The following NADK2 variants were observed in gnomAD, a reference collection of about 807,000 sequenced individuals.
The protein encoded by NADK2 is NAD kinase domain-containing protein 1, mitochondrial.
Under a neutral mutation model 62.1 loss-of-function variants are expected in NADK2, and 35 were observed. That is an observed-to-expected ratio of 0.56 (90% CI 0.43 to 0.75). The LOEUF (loss-of-function observed/expected upper bound fraction) is 0.75, where lower values mean the gene tolerates loss of function less well. Ranked by LOEUF, NADK2 falls within the 30% of genes least tolerant of loss-of-function variation. The pLI, the probability that NADK2 is intolerant of heterozygous loss-of-function variation, is 0.00. For synonymous variants in NADK2, 205 were observed against 207.9 expected, an observed-to-expected ratio of 0.99 and a Z score of 0.12; for missense variants, 439 against 561.3, an observed-to-expected ratio of 0.78 and a Z score of 2.20.
chr5:36,230,524 T>G (rs1223173879), intron 1 of NADK2, among the ~76,000 whole-genome samples: 1 of 152,254 alleles, frequency 6.6e-6, no homozygotes, highest in Non-Finnish European at 1.5e-5. Context: ...AGAACAGTGA[T>G]CTTACTTATC....
chr5:36,197,326 G>C (rs771602222), intron 11 of NADK2, among the ~76,000 whole-genome samples: 10 of 152,002 alleles, frequency 6.6e-5, no homozygotes, highest in Admixed American at 1.3e-4. Flanking sequence ...AGTCACTTAA[G>C]TTTTAGCTTC....
chr5:36,217,652 C>G, intron 6 of NADK2, 96 bp downstream of exon 6: 1 of 1,394,036 alleles, frequency 7.2e-7, no homozygotes, highest in East Asian at 2.4e-5. Flanking sequence ...ATTAATGACA[C>G]TAAAAACAAG....
intron 8 of NADK2, among the ~76,000 whole-genome samples, chr5:36,201,975 C>T (rs1435848832): frequency 1.3e-4 from 19 of 151,894 alleles, no homozygotes; most frequent in Admixed American, 1.2e-3. Context: ...ATTTTGAATT[C>T]TTCTACTGCC....
intron 8 of NADK2, among the ~76,000 whole-genome samples, chr5:36,202,035 T>TC (rs1746468814): frequency 6.6e-6 from 1 of 152,098 alleles, no homozygotes; most frequent in Admixed American, 6.6e-5. Flanking sequence ...GGAACAGGAA[T>TC]AACATATGAG....
intron 4 of NADK2, among the ~76,000 whole-genome samples, chr5:36,224,136 T>G (rs1287405468): frequency 1.3e-5 from 2 of 152,016 alleles, no homozygotes; most frequent in African/African-American, 4.8e-5. Flanking sequence ...AGGAAGTTTG[T>G]GTGCAACTCT....
Position 36,241,802 on chromosome 5 carries a change from G to T in NADK2, c.-4C>A. Reference sequence around the variant, plus strand: ...AGAAGCCTCGGTAGCAAGTCATCGTGGGCCGGGCCGCGGCCGCGGGCTTGG... The same window carrying T: ...AGAAGCCTCGGTAGCAAGTCATCGTTGGCCGGGCCGCGGCCGCGGGCTTGG... On this transcript the variant is annotated 5_prime_UTR_variant, in exon 1 of 12. Transcript: ENST00000381937. The surrounding 1 kb of genome is among the most constrained non-coding windows in gnomAD (Gnocchi z 4.9). The T allele has an allele frequency of 7.6e-7, 1 of 1,317,542 alleles. No individual in the cohort carries two copies. The highest frequency in any genetic ancestry group is 9.7e-7 in the Non-Finnish European group (1 of 1,033,724). The allele number at this position is 1,317,542 out of a possible 1,614,324, so 81.6% of individuals were successfully genotyped here.
intron 7 of NADK2, among the ~76,000 whole-genome samples, chr5:36,209,738 T>C (rs1198734308): frequency 6.6e-6 from 1 of 152,106 alleles, no homozygotes; most frequent in Non-Finnish European, 1.5e-5. Flanking sequence ...TTTTATACTT[T>C]ACTATACTTT....
chr5:36,221,831 T>C (rs1747281368), intron 4 of NADK2: 1 of 152,166 alleles, frequency 6.6e-6, no homozygotes, highest in African/African-American at 2.4e-5. Flanking sequence ...GATATAAAAA[T>C]AAGCCATTAA....
At chr5:36,209,936 A>G (rs1312628209) in intron 7 of NADK2, among the ~76,000 whole-genome samples, 18 of 152,156 alleles carry the variant, frequency 1.2e-4, no homozygotes, top group Non-Finnish European at 7.4e-5. Context: ...GCTGAATCAA[A>G]CTTCAACTCT....
intron 4 of NADK2, among the ~76,000 whole-genome samples, chr5:36,222,378 C>T (rs1159972557): frequency 6.6e-6 from 1 of 152,166 alleles, no homozygotes; most frequent in Non-Finnish European, 1.5e-5. Context: ...AGCCTCTAAC[C>T]AGCATGTTGG....
Position 36,194,064 on chromosome 5 carries a change from C to CTT in NADK2, c.*1078_*1079dup, listed in dbSNP as rs1020626202. The CTT allele has an allele frequency of 1.3e-5, 2 of 151,826 alleles. No individual in the cohort carries two copies. The highest frequency in any genetic ancestry group is 2.4e-5 in the African/African-American group (1 of 41,242). The allele number at this position is 151,826 out of a possible 1,614,324, so 9.4% of individuals were successfully genotyped here. Reference sequence around the variant, plus strand: ...TCTTTTGGCAAAAATTCTAGGATTACTTATAAGTAGATCAATAATTAGATA... The same window carrying CTT: ...TCTTTTGGCAAAAATTCTAGGATTACTTTTATAAGTAGATCAATAATTAGATA... On this transcript the variant is annotated 3_prime_UTR_variant, in exon 12 of 12. Transcript: ENST00000381937.
Position 36,241,569 on chromosome 5 carries a change from G to A in NADK2, c.230C>T (p.Thr77Ile). 1 of 1,549,978 alleles carries A rather than the reference G, an allele frequency of 6.5e-7. No homozygotes were observed. Among genetic ancestry groups the A allele is most frequent in the Non-Finnish European group, 8.6e-7 (1 of 1,157,930 alleles). Reference protein sequence around the residue: ...RPSRVVVVAKTTRYEFEQQRY... With the variant: ...RPSRVVVVAKITRYEFEQQRY... ...CTGCTGCTCGAACTCGTACCGGGTG[G>A]TTTTGGCCACCACCACCACCCGGGA... Residue 77 changes from threonine to isoleucine, a missense_variant, in exon 1 of 12, where the codon ACC (threonine) becomes ATC (isoleucine). Thr to Ile is a moderately conservative substitution (Grantham distance 89). Transcript: ENST00000381937. This position sits in a 1 kb window ranked among gnomAD's most constrained non-coding sequence, Gnocchi z 4.9.
intron 7 of NADK2, chr5:36,208,645 A>G (rs1561060573): frequency 6.5e-7 from 1 of 1,533,464 alleles, no homozygotes; most frequent in Admixed American, 2.0e-5. Flanking sequence ...GAGTGGGTAT[A>G]CTTCTTCTTA....
At position 36,241,369 on chromosome 5, in the gene NADK2, C is replaced by T; in HGVS notation, c.300+130G>A. On this transcript the variant is annotated intron_variant, in intron 1 of 11. Transcript: ENST00000381937. This position sits in a 1 kb window ranked among gnomAD's most constrained non-coding sequence, Gnocchi z 4.9. Reference sequence around the variant, plus strand: ...GAGAAGCCAGAGGACCTGGGGGCCGCGAGAGAGGCAGGACCGGCATCTGCG... The same window carrying T: ...GAGAAGCCAGAGGACCTGGGGGCCGTGAGAGAGGCAGGACCGGCATCTGCG... 1 of 1,340,566 alleles carries T rather than the reference C, an allele frequency of 7.5e-7. No individual in the cohort carries two copies. Among genetic ancestry groups the T allele is most frequent in the Non-Finnish European group, 9.5e-7 (1 of 1,047,246 alleles). 83.0% of individuals were successfully genotyped at this position (1,340,566 alleles called of 1,614,324 possible).
chr5:36,211,957 A>G (rs866673174), intron 6 of NADK2, 35 bp from the exon 7 acceptor site: 3 of 1,471,472 alleles, frequency 2.0e-6, no homozygotes, highest in Middle Eastern at 3.5e-4. Context: ...AATCCAAGAT[A>G]GCTCCTTGAT....
chr5:36,201,408 T>C (rs2112071878), intron 8 of NADK2, among the ~76,000 whole-genome samples: 1 of 152,084 alleles, frequency 6.6e-6, no homozygotes, highest in East Asian at 1.9e-4. Flanking sequence ...AAAATGAACA[T>C]ATTCTTCAAT....
At chr5:36,201,858 A>C (rs1746461941) in intron 8 of NADK2, among the ~76,000 whole-genome samples, 1 of 152,068 alleles carries the variant, frequency 6.6e-6, no homozygotes, top group African/African-American at 2.4e-5. Flanking sequence ...ACCACTAAAA[A>C]ACAAGCATTA....
rs1470358085 is a variant in NADK2 at position 36,215,618 on chromosome 5, CT to C, written c.781+2129del. Among the ~76,000 whole-genome samples the C allele has an allele frequency of 1.4e-4, 21 of 152,276 alleles. No individual in the cohort carries two copies. In the East Asian group the frequency reaches 3.7e-3, roughly 27 times the overall value. ...TATCCCACCTTTCACCCTTCCCAGG[CT>C]TTGGTAACTATCACTGTACTCTCTA... is the stretch of plus-strand genomic sequence containing the variant. On this transcript the variant is annotated intron_variant, in intron 6 of 11. Transcript: ENST00000381937.
intron 7 of NADK2, among the ~76,000 whole-genome samples, chr5:36,210,871 A>T (rs1361063367): frequency 6.6e-6 from 1 of 152,226 alleles, no homozygotes; most frequent in East Asian, 1.9e-4. Flanking sequence ...AAATATTTAT[A>T]AGCTGGGAAC....
Sources: allele counts gnomAD v4.1 joint callset (sites outside exome capture counted in the v4.1 genomes callset), GRCh38; gene constraint gnomAD v4.1.1; non-coding constraint Gnocchi (gnomAD v3.1); transcripts MANE v1.5; gene names NCBI Gene and HGNC (gene_info 2026-07-23, HGNC 2026-07-21).